The following CBFA2T2 variants were observed in gnomAD, a reference collection of about 807,000 sequenced individuals.
The protein encoded by CBFA2T2 is protein CBFA2T2.
In CBFA2T2, 11 loss-of-function variants were observed where a neutral mutation model predicts 62.2. The ratio of observed to expected loss-of-function variants is 0.18; its 90% CI spans 0.11 to 0.29. The LOEUF (loss-of-function observed/expected upper bound fraction) is 0.29, where lower values mean the gene tolerates loss of function less well. CBFA2T2 is among the 10% of genes least tolerant of loss of function. The pLI, the probability that CBFA2T2 is intolerant of heterozygous loss-of-function variation, is 1.00. For synonymous variants in CBFA2T2, 295 were observed against 287.5 expected (o/e 1.03, Z -0.27); for missense variants, 592 against 774.1 (o/e 0.76, Z 2.79).
At position 33,611,284 on chromosome 20, in the gene CBFA2T2, C is replaced by G; in HGVS notation, c.369C>G (p.Asp123Glu). 2 of 1,614,212 alleles carry G rather than the reference C, an allele frequency of 1.2e-6. No homozygotes were observed. Among genetic ancestry groups the G allele is most frequent in the Non-Finnish European group, 1.7e-6 (2 of 1,180,026 alleles). The change falls in exon 3 of 11, where the codon GAC becomes GAG. Residue 123 changes from aspartate (D) to glutamate (E), a missense_variant. By Grantham distance (45) the Asp-to-Glu change is conservative. This residue lies in a region of CBFA2T2 where 449 missense variants were observed against 551.2 expected (regional missense o/e 0.81). Coordinates refer to ENST00000342704, the MANE Select transcript of CBFA2T2 (RefSeq NM_001032999.3). ...FLTTLQQFGN[D>E]ISPEIGEKVR... ...CCACTCTGCAACAGTTTGGCAATGA[C>G]ATCTCCCCTGAGATTGGGGAGAAGG...
chr20:33,504,214 C>G (rs1052780567), intron 1 of CBFA2T2, among the ~76,000 whole-genome samples: 5 of 151,824 alleles, frequency 3.3e-5, no homozygotes, highest in African/African-American at 1.2e-4. Flanking sequence ...ATAGGTTGTT[C>G]CTTTTTATTG....
At chr20:33,612,565 T>A (rs1405352447) in intron 3 of CBFA2T2, among the ~76,000 whole-genome samples, 1 of 151,904 alleles carries the variant, frequency 6.6e-6, no homozygotes, top group East Asian at 1.9e-4. Flanking sequence ...CTTTCTATTA[T>A]GCTAGATATT....
intron 1 of CBFA2T2, among the ~76,000 whole-genome samples, chr20:33,591,524 A>G (rs1041174539): frequency 2.0e-5 from 3 of 152,058 alleles, no homozygotes; most frequent in Non-Finnish European, 4.4e-5. Flanking sequence ...AAAGAAAAGA[A>G]AAATATTTGT....
chr20:33,560,941 G>A (rs948370954), intron 1 of CBFA2T2, among the ~76,000 whole-genome samples: 2 of 152,040 alleles, frequency 1.3e-5, no homozygotes, highest in African/African-American at 4.8e-5. Flanking sequence ...GCAGTGGCAT[G>A]ATCTCAGCTC....
At position 33,645,051 on chromosome 20, in the gene CBFA2T2, G is replaced by C. The variant is rs774744466; in HGVS notation, c.*405G>C. On this transcript the variant is annotated 3_prime_UTR_variant, in exon 11 of 11. Transcript: ENST00000342704. Reference sequence around the variant, plus strand: ...CAGCAGGCTGTGGAGGAGGCCCCTCGGTCAGGGAGCGGCCTGCCTCACCCC... The same window carrying C: ...CAGCAGGCTGTGGAGGAGGCCCCTCCGTCAGGGAGCGGCCTGCCTCACCCC... 1.2e-4 allele frequency: 24 copies of C among 193,208 alleles called. No homozygotes were observed. The highest frequency in any genetic ancestry group is 2.0e-4 in the Non-Finnish European group (19 of 94,112). The allele number at this position is 193,208 out of a possible 1,614,324, so 12.0% of individuals were successfully genotyped here. A position where few individuals can be genotyped will look rare whatever the true frequency, so the allele number is the denominator to read the frequency against.
intron 1 of CBFA2T2, among the ~76,000 whole-genome samples, chr20:33,494,259 A>T (rs1250308477): frequency 1.4e-5 from 1 of 71,326 alleles, no homozygotes; most frequent in Non-Finnish European, 2.5e-5. Flanking sequence ...ATATATATAT[A>T]TATATATATA....
intron 1 of CBFA2T2, among the ~76,000 whole-genome samples, chr20:33,514,583 G>A (rs926372666): frequency 2.0e-5 from 3 of 152,072 alleles, no homozygotes; most frequent in Admixed American, 6.6e-5. Flanking sequence ...AGCACACAGC[G>A]CATTTGGGGT....
Position 33,536,986 on chromosome 20 carries a change from C to T in CBFA2T2, c.34+46685C>T, listed in dbSNP as rs1329127346. Among the ~76,000 whole-genome samples the T allele has an allele frequency of 8.6e-5, 13 of 151,456 alleles. No individual in the cohort carries two copies. In the East Asian group the frequency reaches 9.9e-4, roughly 12 times the overall value. On this transcript the variant is annotated intron_variant, in intron 1 of 10. Coordinates refer to ENST00000342704, the MANE Select transcript of CBFA2T2 (RefSeq NM_001032999.3). ...AGACGGGATGGCGGCCGGGAAGAGG[C>T]GCTCCTCACTTTCCAGACTGGGCAG...
intron 9 of CBFA2T2, among the ~76,000 whole-genome samples, chr20:33,638,438 G>A (rs1307594310): frequency 6.6e-6 from 1 of 152,194 alleles, no homozygotes; most frequent in Non-Finnish European, 1.5e-5. Context: ...CAGTAAGATA[G>A]CTAGCCAAAC....
intron 1 of CBFA2T2, among the ~76,000 whole-genome samples, chr20:33,493,299 C>A (rs1327749217): frequency 6.6e-6 from 1 of 151,944 alleles, no homozygotes; most frequent in Non-Finnish European, 1.5e-5. Flanking sequence ...TGGTCTCGAA[C>A]GCCTGACCGC....
At chr20:33,502,779 G>T (rs2011313756) in intron 1 of CBFA2T2, among the ~76,000 whole-genome samples, 3 of 149,228 alleles carry the variant, frequency 2.0e-5, no homozygotes, top group Admixed American at 6.7e-5. Flanking sequence ...CCTTTCAGTG[G>T]AGAAAATTAT....
At chr20:33,643,191 C>T (rs1471496330) in intron 10 of CBFA2T2, among the ~76,000 whole-genome samples, 1 of 152,124 alleles carries the variant, frequency 6.6e-6, no homozygotes, top group African/African-American at 2.4e-5. Flanking sequence ...GACTTCTAGC[C>T]GAGTTCCCTC....
chr20:33,580,125 CT>C (rs2146912816), intron 1 of CBFA2T2, among the ~76,000 whole-genome samples: 1 of 151,922 alleles, frequency 6.6e-6, no homozygotes, highest in Non-Finnish European at 1.5e-5. Flanking sequence ...CCTCTTTTTT[CT>C]TTTTTTAATC....
chr20:33,638,401 G>T (rs1178188233), intron 9 of CBFA2T2, among the ~76,000 whole-genome samples: 1 of 152,198 alleles, frequency 6.6e-6, no homozygotes, highest in Non-Finnish European at 1.5e-5. Context: ...CTCTGCTACA[G>T]TGCCATCTGT....
rs376048540 is a variant in CBFA2T2, at chr20:33,559,172, C to CTTTTTTTT, written c.35-47770_35-47763dup. Among the ~76,000 whole-genome samples the CTTTTTTTT allele has an allele frequency of 4.1e-4, 36 of 87,618 alleles. 3 individuals are homozygous for CTTTTTTTT. Among genetic ancestry groups the CTTTTTTTT allele is most frequent in the African/African-American group, 1.5e-3 (28 of 19,092 alleles). The allele number at this position is 87,618 out of a possible 152,430, so 57.5% of individuals were successfully genotyped here. A position where few individuals can be genotyped will look rare whatever the true frequency, so the allele number is the denominator to read the frequency against. On this transcript the variant is annotated intron_variant, in intron 1 of 10. Coordinates refer to ENST00000342704, the MANE Select transcript of CBFA2T2 (RefSeq NM_001032999.3). ...CAATTGCAGCTTCTTTTTTTCCTTT[C>CTTTTTTTT]TTTTTTTTTTTTTTTTTTTTTCTGA... is the stretch of plus-strand genomic sequence containing the variant.
chr20:33,643,765 A>AG (rs1247895984), intron 10 of CBFA2T2, among the ~76,000 whole-genome samples: 1 of 2,246 alleles, frequency 4.5e-4, no homozygotes, highest in African/African-American at 3.0e-3. Flanking sequence ...ATATATATAT[A>AG]TATATATATA....
At chr20:33,540,398 C>G (rs1027502025) in intron 1 of CBFA2T2, among the ~76,000 whole-genome samples, 5 of 152,156 alleles carry the variant, frequency 3.3e-5, no homozygotes, top group African/African-American at 1.2e-4. Context: ...TAGCTAACAG[C>G]ATGTTACTGT....
intron 4 of CBFA2T2, among the ~76,000 whole-genome samples, chr20:33,620,173 G>T (rs984430904): frequency 2.0e-5 from 3 of 152,054 alleles, no homozygotes; most frequent in Non-Finnish European, 2.9e-5. Flanking sequence ...ATGAAATGAG[G>T]CCATGTTATA....
chr20:33,495,145 C>G (rs1054525532), intron 1 of CBFA2T2, among the ~76,000 whole-genome samples: 1 of 151,850 alleles, frequency 6.6e-6, no homozygotes, highest in African/African-American at 2.4e-5. Flanking sequence ...CGCCTGTAAT[C>G]CCACCATTTG....
Sources: allele counts gnomAD v4.1 joint callset (sites outside exome capture counted in the v4.1 genomes callset), GRCh38; gene constraint gnomAD v4.1.1; regional missense constraint gnomAD v4.1.1; transcripts MANE v1.5; gene names NCBI Gene and HGNC (gene_info 2026-07-23, HGNC 2026-07-21).